RAPGEF2: variants seen among roughly 807,000 people sequenced by gnomAD.
RAPGEF2 encodes the protein PDZ domain containing guanine nucleotide exchange factor (GEF) 1.
In RAPGEF2, 54 loss-of-function variants were observed where a neutral mutation model predicts 186.7. That is an observed-to-expected ratio of 0.29 (90% confidence interval 0.23 to 0.36). The LOEUF (loss-of-function observed/expected upper bound fraction) is 0.36. Among genes scored for constraint, RAPGEF2 ranks in the 10% least tolerant of loss-of-function variants. RAPGEF2 has a pLI of 1.00. For missense variants in RAPGEF2, 1,532 were observed against 2,045.0 expected, an observed-to-expected ratio of 0.75 and a Z score of 4.84; for synonymous variants, 712 against 705.9, an observed-to-expected ratio of 1.01 and a Z score of -0.14.
chr4:159,239,983 A>G (rs911241975), intron 5 of RAPGEF2, among the ~76,000 whole-genome samples: 4 of 152,212 alleles, frequency 2.6e-5, no homozygotes, highest in Non-Finnish European at 5.9e-5. Flanking sequence ...AAAATTTACT[A>G]AAATATTTGG....
At chr4:159,193,107 AT>A in intron 2 of RAPGEF2, 92 bp from the exon 3 acceptor site, 1 of 576,560 alleles carries the variant, frequency 1.7e-6, no homozygotes, top group South Asian at 6.6e-5. Context: ...AAAATAATCA[AT>A]TTTCTAGACT....
At chr4:159,240,387 G>C (rs1212161669) in intron 5 of RAPGEF2, among the ~76,000 whole-genome samples, 1 of 118,578 alleles carries the variant, frequency 8.4e-6, no homozygotes, top group East Asian at 2.6e-4. Context: ...AGCTTGAAGT[G>C]CAGTGGCGCG....
chr4:159,141,437 T>C (rs1490976255), intron 1 of RAPGEF2, among the ~76,000 whole-genome samples: 2 of 152,126 alleles, frequency 1.3e-5, no homozygotes, highest in Admixed American at 6.5e-5. Flanking sequence ...GATGAACATT[T>C]AGCTTGTTTC....
chr4:159,106,976 A>G (rs1022230374), intron 1 of RAPGEF2, among the ~76,000 whole-genome samples: 7 of 152,190 alleles, frequency 4.6e-5, no homozygotes, highest in African/African-American at 1.7e-4. Context: ...GTAAGGAGAA[A>G]TACCAAAAAA....
intron 1 of RAPGEF2, among the ~76,000 whole-genome samples, chr4:159,175,408 C>T (rs1746357189): frequency 6.6e-6 from 1 of 152,088 alleles, no homozygotes; most frequent in Non-Finnish European, 1.5e-5. Flanking sequence ...CAAAGCACCT[C>T]AGCAGGCTGG....
intron 4 of RAPGEF2, among the ~76,000 whole-genome samples, chr4:159,237,163 G>A (rs1753365528): frequency 6.6e-6 from 1 of 151,976 alleles, no homozygotes; most frequent in South Asian, 2.1e-4. Context: ...TGGGACTACA[G>A]GCTTGTACCA....
intron 4 of RAPGEF2, among the ~76,000 whole-genome samples, chr4:159,211,091 T>A (rs369990623): frequency 2.0e-5 from 3 of 152,360 alleles, no homozygotes; most frequent in East Asian, 3.9e-4. Flanking sequence ...GGCTGTTAAT[T>A]CCTTTCTCCC....
intron 1 of RAPGEF2, among the ~76,000 whole-genome samples, chr4:159,136,480 A>G (rs1741736735): frequency 6.6e-6 from 1 of 152,182 alleles, no homozygotes; most frequent in Non-Finnish European, 1.5e-5. Context: ...TGGGATGCTT[A>G]TTTGTAATAC....
chr4:159,112,580 C>A (rs1011638275), intron 1 of RAPGEF2, among the ~76,000 whole-genome samples: 1 of 151,970 alleles, frequency 6.6e-6, no homozygotes. Flanking sequence ...TATCCATGAG[C>A]CCATACTGAT....
intron 7 of RAPGEF2, among the ~76,000 whole-genome samples, chr4:159,281,094 C>T (rs1442551886): frequency 2.0e-5 from 3 of 151,570 alleles, no homozygotes; most frequent in Non-Finnish European, 2.9e-5. Flanking sequence ...CGGGTTCAAG[C>T]GATTCTCCTG....
chr4:159,288,509 C>G (rs1309141547), intron 7 of RAPGEF2, among the ~76,000 whole-genome samples: 3 of 152,114 alleles, frequency 2.0e-5, no homozygotes, highest in African/African-American at 4.8e-5. Flanking sequence ...CTTCCTACTT[C>G]CATTCTAACC....
chr4:159,277,096 C>T (rs553058728), intron 7 of RAPGEF2, among the ~76,000 whole-genome samples: 4 of 148,402 alleles, frequency 2.7e-5, no homozygotes, highest in Non-Finnish European at 6.0e-5. Flanking sequence ...ACTACAGGCC[C>T]AGTTGTGTGA....
intron 9 of RAPGEF2, among the ~76,000 whole-genome samples, chr4:159,321,244 T>G (rs1435695304): frequency 6.6e-6 from 1 of 150,914 alleles, no homozygotes; most frequent in Non-Finnish European, 1.5e-5. Context: ...TCTCACTCTT[T>G]CACCCATTAT....
At chr4:159,257,358 A>G (rs905692352) in intron 7 of RAPGEF2, among the ~76,000 whole-genome samples, 1 of 152,200 alleles carries the variant, frequency 6.6e-6, no homozygotes, top group Non-Finnish European at 1.5e-5. Context: ...TCTTACGTGG[A>G]TAGCAGCAGG....
At chr4:159,209,786 C>G (rs1299038356) in intron 3 of RAPGEF2, among the ~76,000 whole-genome samples, 2 of 152,220 alleles carry the variant, frequency 1.3e-5, no homozygotes, top group Non-Finnish European at 2.9e-5. Flanking sequence ...CCAGCTACTA[C>G]TGTATGTGCA....
chr4:159,130,372 A>C (rs370077559), intron 1 of RAPGEF2, among the ~76,000 whole-genome samples: 1 of 152,094 alleles, frequency 6.6e-6, no homozygotes, highest in Admixed American at 6.5e-5. Flanking sequence ...CTCTGGTTCA[A>C]ATGCCTCTGA....
intron 7 of RAPGEF2, among the ~76,000 whole-genome samples, chr4:159,291,049 A>G (rs1345321933): frequency 4.6e-5 from 7 of 152,252 alleles, no homozygotes; most frequent in Non-Finnish European, 1.0e-4. Context: ...TAGACACATA[A>G]CATGAATACC....
chr4:159,120,839 T>A (rs1046258795), intron 1 of RAPGEF2, among the ~76,000 whole-genome samples: 9 of 152,116 alleles, frequency 5.9e-5, no homozygotes, highest in African/African-American at 1.9e-4. Context: ...TCCATCTTTT[T>A]TTTTTAATTT....
intron 1 of RAPGEF2, among the ~76,000 whole-genome samples, chr4:159,135,460 T>G (rs760708716): frequency 6.6e-6 from 1 of 152,258 alleles, no homozygotes; most frequent in African/African-American, 2.4e-5. Flanking sequence ...TTGGCTCTTA[T>G]GAATGATGCT....
Sources: gnomAD v4.1 joint callset for allele counts (sites outside exome capture counted in the v4.1 genomes callset) on GRCh38, gnomAD v4.1.1 for gene constraint, MANE v1.5 for transcripts, NCBI Gene and HGNC (gene_info 2026-07-23, HGNC 2026-07-21) for gene names.